The following PIK3C2G variants were observed in gnomAD, a reference collection of about 807,000 sequenced individuals.
PIK3C2G encodes phosphatidylinositol 3-kinase C2 domain-containing subunit gamma.
Under a neutral mutation model 181.1 loss-of-function variants are expected in PIK3C2G, and 168 were observed. That is an observed-to-expected ratio of 0.93 (90% CI 0.82 to 1.05). PIK3C2G has a LOEUF of 1.05. PIK3C2G is among the 50% of genes least tolerant of loss of function. The probability of loss-of-function intolerance (pLI) is 0.00; values close to 1 mark genes in which losing one functional copy is unlikely to be tolerated. For synonymous variants in PIK3C2G, 573 were observed against 592.2 expected (o/e 0.97, Z 0.47); for missense variants, 1,869 against 1,732.8 (o/e 1.08, Z -1.40).
intron 5 of PIK3C2G, among the ~76,000 whole-genome samples, chr12:18,301,993 A>G (rs1205676912): frequency 6.6e-6 from 1 of 152,172 alleles, no homozygotes; most frequent in African/African-American, 2.4e-5. Context: ...TGATTTCTGT[A>G]ATTTCCTCAG....
chr12:18,600,947 A>G (rs1947674758), intron 30 of PIK3C2G, among the ~76,000 whole-genome samples: 1 of 152,148 alleles, frequency 6.6e-6, no homozygotes, highest in African/African-American at 2.4e-5. Flanking sequence ...AATTTTCCAT[A>G]TGACTTTTAT....
chr12:18,588,664 C>T (rs1360447210), intron 29 of PIK3C2G, among the ~76,000 whole-genome samples: 1 of 151,970 alleles, frequency 6.6e-6, no homozygotes, highest in Admixed American at 6.6e-5. Context: ...TAGTCCAGCC[C>T]ATTGTGGAAA....
the PIK3C2G span, among the ~76,000 whole-genome samples, chr12:18,670,612 A>C: frequency 3.3e-5 from 5 of 152,198 alleles, no homozygotes; most frequent in African/African-American, 7.2e-5. Flanking sequence ...CATATAAAGC[A>C]CTTAGGATAA....
At chr12:18,316,247 T>C (rs1950855007) in intron 6 of PIK3C2G, among the ~76,000 whole-genome samples, 1 of 152,152 alleles carries the variant, frequency 6.6e-6, no homozygotes, top group Non-Finnish European at 1.5e-5. Context: ...TATATGGTAA[T>C]GTCAGCAAGC....
intron 18 of PIK3C2G, among the ~76,000 whole-genome samples, chr12:18,434,173 G>T (rs1946317403): frequency 6.6e-6 from 1 of 152,306 alleles, no homozygotes; most frequent in East Asian, 1.9e-4. Flanking sequence ...AAGGACTGTT[G>T]TTCCTCATGT....
At chr12:18,395,083 C>CTTT (rs765784475) in intron 15 of PIK3C2G, among the ~76,000 whole-genome samples, 2,831 of 148,660 alleles carry the variant, frequency 0.019, 115 homozygotes, top group East Asian at 0.1. Flanking sequence ...CTCTTTCATT[C>CTTT]CTTCTTTCTT....
intron 14 of PIK3C2G, among the ~76,000 whole-genome samples, chr12:18,382,958 G>C (rs1370686762): frequency 6.6e-6 from 1 of 152,072 alleles, no homozygotes; most frequent in Non-Finnish European, 1.5e-5. Context: ...ATTCGACCAC[G>C]TGACACCTAA....
chr12:18,402,078 T>G (rs1169249584), intron 16 of PIK3C2G, among the ~76,000 whole-genome samples: 1 of 152,146 alleles, frequency 6.6e-6, no homozygotes, highest in Non-Finnish European at 1.5e-5. Context: ...TGCACGCATG[T>G]TTGTAACAAC....
chr12:18,548,305 C>T (rs181642847), intron 26 of PIK3C2G, among the ~76,000 whole-genome samples: 7 of 152,024 alleles, frequency 4.6e-5, no homozygotes, highest in Admixed American at 1.3e-4. Context: ...GGCCTGTGTT[C>T]GAGATGTGTC....
chr12:18,410,242 A>C (rs568762871), intron 16 of PIK3C2G, among the ~76,000 whole-genome samples: 1 of 152,254 alleles, frequency 6.6e-6, no homozygotes, highest in East Asian at 1.9e-4. Context: ...GCTCACGCCT[A>C]TAATCCCAAC....
At chr12:18,264,452 T>C (rs1375647316) in intron 1 of PIK3C2G, among the ~76,000 whole-genome samples, 1 of 152,178 alleles carries the variant, frequency 6.6e-6, no homozygotes, top group Non-Finnish European at 1.5e-5. Flanking sequence ...AATGGTAATG[T>C]CCTAGAGATA....
chr12:18,617,830 A>T (rs942095237), intron 31 of PIK3C2G, among the ~76,000 whole-genome samples: 1 of 152,160 alleles, frequency 6.6e-6, no homozygotes, highest in Non-Finnish European at 1.5e-5. Flanking sequence ...ATGAAAGAGG[A>T]TAAAGAGCAA....
chr12:18,580,050 T>A (rs777847442), intron 29 of PIK3C2G, among the ~76,000 whole-genome samples: 1 of 151,668 alleles, frequency 6.6e-6, no homozygotes, highest in South Asian at 2.1e-4. Flanking sequence ...GGAGAATTGC[T>A]TGAACCCACG....
intron 1 of PIK3C2G, among the ~76,000 whole-genome samples, chr12:18,272,879 C>A (rs1191078051): frequency 6.6e-6 from 1 of 152,074 alleles, no homozygotes; most frequent in Admixed American, 6.6e-5. Flanking sequence ...CTTTCTTTTA[C>A]TAGGTAATGA....
chr12:18,393,507 G>A (rs1943668875), intron 15 of PIK3C2G, among the ~76,000 whole-genome samples: 1 of 151,760 alleles, frequency 6.6e-6, no homozygotes, highest in South Asian at 2.1e-4. Flanking sequence ...AAATATGCCT[G>A]TGATATTTGT....
In PIK3C2G at chr12:18,269,107, T is replaced by G. The variant is rs188551155; in HGVS notation, c.-79+7530T>G. The stretch of plus-strand genomic sequence containing the variant: ...TTTATTTTTAGTAGAGATGGGATTT[T>G]GTCGTGTTGGCCAGGCTGATCTTGA... On this transcript the variant is annotated intron_variant, in intron 1 of 32. Transcript: ENST00000538779. Among the ~76,000 whole-genome samples, 260 of 152,010 alleles carry G rather than the reference T, an allele frequency of 1.7e-3. 2 individuals carry two copies. The highest frequency in any genetic ancestry group is 5.9e-3 in the African/African-American group (246 of 41,492).
At chr12:18,355,320 T>C (rs914732920) in intron 11 of PIK3C2G, among the ~76,000 whole-genome samples, 1 of 152,176 alleles carries the variant, frequency 6.6e-6, no homozygotes, top group African/African-American at 2.4e-5. Flanking sequence ...CTCCCTATCG[T>C]AAGCAGAGTG....
chr12:18,544,117 A>G (rs1415034287), intron 25 of PIK3C2G, among the ~76,000 whole-genome samples: 1 of 151,834 alleles, frequency 6.6e-6, no homozygotes, highest in Non-Finnish European at 1.5e-5. Flanking sequence ...AGTGACAAGG[A>G]AAGAGAGAAA....
At chr12:18,252,299 G>A (rs990733694) in intron 1 of PIK3C2G, among the ~76,000 whole-genome samples, 6 of 152,058 alleles carry the variant, frequency 3.9e-5, no homozygotes, top group Non-Finnish European at 5.9e-5. Flanking sequence ...TCAAATTGAC[G>A]CAACAGTATA....
Sources: allele counts gnomAD v4.1 joint callset (sites outside exome capture counted in the v4.1 genomes callset), GRCh38; gene constraint gnomAD v4.1.1; transcripts MANE v1.5; gene names NCBI Gene and HGNC (gene_info 2026-07-23, HGNC 2026-07-21).